The following ADCY8 variants were observed in gnomAD, a reference collection of about 807,000 sequenced individuals.
ADCY8 encodes the protein adenylate cyclase type 8.
A neutral mutation model predicts 119.7 loss-of-function variants in ADCY8; 51 were observed. That is an observed-to-expected ratio of 0.43 (90% confidence interval 0.34 to 0.54). The LOEUF is 0.54. Ranked by LOEUF, ADCY8 falls within the 20% of genes least tolerant of loss-of-function variation. The probability of loss-of-function intolerance (pLI) is 0.03; values close to 1 mark genes in which losing one functional copy is unlikely to be tolerated. For synonymous variants in ADCY8, 665 were observed against 651.0 expected (o/e 1.02, Z -0.33); for missense variants, 1,383 against 1,598.8 (o/e 0.87, Z 2.30).
At chr8:130,902,472 T>G (rs552179844) in intron 7 of ADCY8, among the ~76,000 whole-genome samples, 33 of 152,320 alleles carry the variant, frequency 2.2e-4, no homozygotes, top group Admixed American at 7.8e-4. Flanking sequence ...AAGGGTCAAC[T>G]CTTGCAAGGC....
rs1563759090 is a variant in ADCY8 at position 130,992,410 on chromosome 8, T to TGA, written c.961-1869_961-1868insTC. Among the ~76,000 whole-genome samples the TGA allele has an allele frequency of 6.2e-5, 2 of 32,394 alleles. 1 individual carries two copies. The highest frequency in any genetic ancestry group is 2.4e-4 in the African/African-American group (2 of 8,282). 21.3% of individuals were successfully genotyped at this position (32,394 alleles called of 152,430 possible). On this transcript the variant is annotated intron_variant, in intron 1 of 17. Coordinates refer to ENST00000286355, the MANE Select transcript of ADCY8 (RefSeq NM_001115.3). The stretch of plus-strand genomic sequence containing the variant: ...ATATATATATATATATATATATATA[T>TGA]ATATATATATATATATATATTTGAG...
At chr8:131,007,737 T>C (rs1823167942) in intron 1 of ADCY8, among the ~76,000 whole-genome samples, 1 of 152,246 alleles carries the variant, frequency 6.6e-6, no homozygotes, top group South Asian at 2.1e-4. Flanking sequence ...TTTTTGTATA[T>C]GTGACTTTAC....
chr8:130,846,498 C>G lies in ADCY8; in HGVS notation c.2502+926G>C, dbSNP rs182189721. ...TGCCTTTGTAATTCCCTTCCTCCCTCTCTTCCTTCTTCCCTCTCTCCCTCC... is the reference window on the plus strand; with the variant it reads ...TGCCTTTGTAATTCCCTTCCTCCCTGTCTTCCTTCTTCCCTCTCTCCCTCC... On this transcript the variant is annotated intron_variant, in intron 11 of 17. Transcript: ENST00000286355. Among the ~76,000 whole-genome samples the G allele has an allele frequency of 7.2e-3, 1,092 of 151,908 alleles. 19 individuals carry two copies. The highest frequency in any genetic ancestry group is 0.031 in the Admixed American group (468 of 15,238).
At chr8:130,821,657 G>T (rs932256912) in intron 12 of ADCY8, among the ~76,000 whole-genome samples, 2 of 152,190 alleles carry the variant, frequency 1.3e-5, no homozygotes, top group African/African-American at 4.8e-5. Flanking sequence ...AGAGTCTAGT[G>T]TCTAGATGGT....
intron 9 of ADCY8, among the ~76,000 whole-genome samples, chr8:130,854,385 T>C (rs776558578): frequency 6.6e-6 from 1 of 152,230 alleles, no homozygotes; most frequent in Non-Finnish European, 1.5e-5. Context: ...ATGGTTTGTA[T>C]TGATATTGTG....
In ADCY8 at chr8:130,930,093, C is replaced by T. The variant is rs551944183; in HGVS notation, c.1481+6980G>A. Among the ~76,000 whole-genome samples, 13 of 152,252 alleles carry T rather than the reference C, an allele frequency of 8.5e-5. 1 individual carries two copies. In the South Asian group the frequency reaches 2.7e-3, roughly 32 times the overall value. On this transcript the variant is annotated intron_variant, in intron 5 of 17. Coordinates refer to ENST00000286355, the MANE Select transcript of ADCY8 (RefSeq NM_001115.3). ...GTTTTTCATCCATTAAGGCACTCTA[C>T]ATTTTTTGATTCTAGAATTTAATGC...
At chr8:130,967,622 T>C (rs1011363456) in intron 2 of ADCY8, among the ~76,000 whole-genome samples, 10 of 152,196 alleles carry the variant, frequency 6.6e-5, no homozygotes, top group Admixed American at 6.5e-5. Flanking sequence ...CATTACTCTA[T>C]AGTCTATATT....
intron 15 of ADCY8, among the ~76,000 whole-genome samples, chr8:130,787,944 G>A (rs567398116): frequency 1.2e-4 from 18 of 152,254 alleles, no homozygotes; most frequent in African/African-American, 4.8e-5. Flanking sequence ...GCAGTCAGGC[G>A]GCAGAGAAGG....
chr8:130,790,272 T>C (rs1815384990), intron 15 of ADCY8, among the ~76,000 whole-genome samples: 1 of 152,154 alleles, frequency 6.6e-6, no homozygotes, highest in South Asian at 2.1e-4. Flanking sequence ...TCAGATATGA[T>C]TATTAGAGAG....
At chr8:130,850,790 C>A (rs1039947730) in intron 9 of ADCY8, among the ~76,000 whole-genome samples, 7 of 152,102 alleles carry the variant, frequency 4.6e-5, no homozygotes, top group Non-Finnish European at 1.0e-4. Flanking sequence ...TTCCTAACAC[C>A]ATCTCTTACT....
chr8:130,988,687 C>T (rs563362819), intron 2 of ADCY8, among the ~76,000 whole-genome samples: 1 of 152,192 alleles, frequency 6.6e-6, no homozygotes, highest in South Asian at 2.1e-4. Flanking sequence ...TTATTTTCTT[C>T]CTCCTTCTGC....
intron 5 of ADCY8, among the ~76,000 whole-genome samples, chr8:130,936,627 C>T (rs1232101368): frequency 2.0e-5 from 3 of 152,180 alleles, no homozygotes; most frequent in East Asian, 1.9e-4. Context: ...ATTTCTATTC[C>T]GGAAAGCCTT....
chr8:130,933,756 T>C (rs1820703302), intron 5 of ADCY8, among the ~76,000 whole-genome samples: 2 of 152,228 alleles, frequency 1.3e-5, no homozygotes, highest in Admixed American at 1.3e-4. Flanking sequence ...GAAATAATAA[T>C]GCTCTAAGTA....
chr8:130,951,735 A>T, intron 3 of ADCY8, 133 bp downstream of exon 3: 1 of 1,024,722 alleles, frequency 9.8e-7, no homozygotes, highest in Non-Finnish European at 1.4e-6. Context: ...AATAATCACT[A>T]GGTAATGAAT....
intron 5 of ADCY8, among the ~76,000 whole-genome samples, chr8:130,918,469 A>G (rs1820197861): frequency 6.6e-6 from 1 of 152,220 alleles, no homozygotes; most frequent in Non-Finnish European, 1.5e-5. Flanking sequence ...AATTCAGCCC[A>G]TAGCAGTGTG....
intron 2 of ADCY8, among the ~76,000 whole-genome samples, chr8:130,959,798 G>A (rs1821543880): frequency 6.6e-6 from 1 of 152,216 alleles, no homozygotes; most frequent in Non-Finnish European, 1.5e-5. Flanking sequence ...GGCACAGCAT[G>A]TTTGAGAAAC....
chr8:130,947,932 C>A (rs561519781), intron 3 of ADCY8, among the ~76,000 whole-genome samples: 2 of 152,152 alleles, frequency 1.3e-5, no homozygotes, highest in Non-Finnish European at 2.9e-5. Context: ...GGCACTGTTC[C>A]CAGCCCACTT....
intron 1 of ADCY8, among the ~76,000 whole-genome samples, chr8:130,999,572 G>C (rs1249099486): frequency 6.6e-6 from 1 of 152,190 alleles, no homozygotes; most frequent in African/African-American, 2.4e-5. Flanking sequence ...TGCACTCACT[G>C]TGTGTTTTCT....
At chr8:131,015,816 A>G (rs953065016) in intron 1 of ADCY8, among the ~76,000 whole-genome samples, 1 of 152,180 alleles carries the variant, frequency 6.6e-6, no homozygotes, top group Non-Finnish European at 1.5e-5. Context: ...ATAGCTAGGT[A>G]GAGAGGGCTG....
Sources: allele counts gnomAD v4.1 joint callset (sites outside exome capture counted in the v4.1 genomes callset), GRCh38; gene constraint gnomAD v4.1.1; transcripts MANE v1.5; gene names NCBI Gene and HGNC (gene_info 2026-07-23, HGNC 2026-07-21).